The following CCDC14 variants were observed in gnomAD, a reference collection of about 807,000 sequenced individuals.
The protein encoded by CCDC14 is coiled-coil domain containing 14, also known as coiled-coil domain-containing protein 14.
CCDC14 carries 71 observed loss-of-function variants against 81.4 expected under a neutral mutation model. The observed-to-expected ratio is 0.87, with a 90% CI of 0.72 to 1.06. The LOEUF (loss-of-function observed/expected upper bound fraction) is 1.06, where lower values mean the gene tolerates loss of function less well. Ranked by LOEUF, CCDC14 falls within the 50% of genes least tolerant of loss-of-function variation. The pLI is 0.00. For missense variants in CCDC14, 1,046 were observed against 1,047.3 expected, an observed-to-expected ratio of 1.00 and a Z score of 0.02; for synonymous variants, 332 against 364.8, an observed-to-expected ratio of 0.91 and a Z score of 1.03.
intron 1 of CCDC14, chr3:123,958,409 CAT>C (rs2037472926): frequency 6.6e-6 from 1 of 152,036 alleles, no homozygotes. Context: ...GAAAACTACC[CAT>C]GATAAAAGCA....
Position 123,960,480 on chromosome 3 carries a change from G to A in CCDC14, c.30+664C>T, listed in dbSNP as rs187569277. 1.6e-3 allele frequency among the ~76,000 whole-genome samples: 246 copies of A among 152,238 alleles called. 1 individual carries two copies. Among genetic ancestry groups the A allele is most frequent in the African/African-American group, 5.8e-3 (241 of 41,542 alleles). On this transcript the variant is annotated intron_variant, in intron 1 of 12. Coordinates refer to ENST00000409697, the MANE Select transcript of CCDC14 (RefSeq NM_001366335.1). Reference sequence around the variant, plus strand: ...ACTGCCAAGTTATTTGAATCCTCCAGCCCTCGATTTCCTCATATATAAAAT... The same window carrying A: ...ACTGCCAAGTTATTTGAATCCTCCAACCCTCGATTTCCTCATATATAAAAT...
At chr3:123,903,279 A>T (rs2034215055) in intron 5 of CCDC14, among the ~76,000 whole-genome samples, 1 of 149,576 alleles carries the variant, frequency 6.7e-6, no homozygotes, top group South Asian at 2.1e-4. Context: ...TCTCCATAAT[A>T]AAAAGTATTA....
chr3:123,935,111 A>C (rs2035983609), intron 9 of CCDC14, among the ~76,000 whole-genome samples: 2 of 152,176 alleles, frequency 1.3e-5, no homozygotes, highest in South Asian at 4.1e-4. Flanking sequence ...AACCTAGTAA[A>C]AAGTGACAAA....
At chr3:123,897,617 A>G in intron 5 of CCDC14, 1 of 1,178,028 alleles carries the variant, frequency 8.5e-7, no homozygotes, top group Non-Finnish European at 1.1e-6. Context: ...AAAAAGTCTG[A>G]AAGAATAGAA....
intron 5 of CCDC14, among the ~76,000 whole-genome samples, chr3:123,903,502 T>A (rs1463057992): frequency 6.6e-6 from 1 of 152,154 alleles, no homozygotes; most frequent in African/African-American, 2.4e-5. Context: ...GCAGTTCTAC[T>A]CCTGGGACTC....
intron 5 of CCDC14, chr3:123,954,064 C>T (rs1242293445): frequency 1.3e-5 from 2 of 152,176 alleles, no homozygotes; most frequent in Admixed American, 1.3e-4. Flanking sequence ...GATACCATGA[C>T]ACCCACTGCC....
intron 9 of CCDC14, among the ~76,000 whole-genome samples, chr3:123,934,270 CAAAAAAAAAAAA>C (rs61094944): frequency 3.8e-5 from 2 of 52,276 alleles, no homozygotes; most frequent in South Asian, 9.9e-4. Flanking sequence ...GACTCTGCCT[CAAAAAAAAAAAA>C]AAAAAAAAAA....
chr3:123,906,843 A>G (rs2034323444), intron 5 of CCDC14, among the ~76,000 whole-genome samples: 1 of 152,216 alleles, frequency 6.6e-6, no homozygotes, highest in South Asian at 2.1e-4. Context: ...ATTATGTTTA[A>G]TCTATTTTAC....
intron 12 of CCDC14, among the ~76,000 whole-genome samples, chr3:123,916,337 G>T (rs376388898): frequency 6.6e-6 from 1 of 151,966 alleles, no homozygotes; most frequent in South Asian, 2.1e-4. Flanking sequence ...GTTCATTCTT[G>T]AGCAGCACTA....
downstream of CCDC14, among the ~76,000 whole-genome samples, chr3:123,912,690 A>G (rs748780834): frequency 3.9e-5 from 6 of 152,076 alleles, no homozygotes; most frequent in Non-Finnish European, 7.4e-5. Context: ...CATTTTAAGA[A>G]TACCCAACTT....
chr3:123,887,460 G>A, the CCDC14 span, among the ~76,000 whole-genome samples: 5 of 132,922 alleles, frequency 3.8e-5, no homozygotes, highest in Non-Finnish European at 6.1e-5. Flanking sequence ...GGTCCAGCTG[G>A]GTTGCTATAA....
intron 5 of CCDC14, among the ~76,000 whole-genome samples, chr3:123,901,889 A>C (rs955058638): frequency 2.0e-5 from 3 of 152,180 alleles, no homozygotes; most frequent in African/African-American, 7.2e-5. Context: ...TAGTATCAAA[A>C]GGCCCAACAA....
At chr3:123,925,248 A>C (rs748813028) in intron 12 of CCDC14, among the ~76,000 whole-genome samples, 2 of 152,122 alleles carry the variant, frequency 1.3e-5, no homozygotes, top group Non-Finnish European at 2.9e-5. Flanking sequence ...ATACTGCATG[A>C]CCTCACTTAT....
chr3:123,929,362 A>G (rs2682217), intron 12 of CCDC14, among the ~76,000 whole-genome samples: 35,065 of 151,828 alleles, frequency 0.23, 8,950 homozygotes, highest in East Asian at 0.78. Flanking sequence ...CCACGTTGGA[A>G]TGCAGTGGCA....
At position 123,955,904 on chromosome 3, in the gene CCDC14, G is replaced by T. The variant is rs776911855; in HGVS notation, c.291C>A (p.Tyr97Ter). ...SNSRPLESKR[Y>*]GSKKKRHEKH... ...TTTCATGTCTTTTCTTTTTTGATCC[G>T]TATCTTTTGCTTTCTAAAGGTCTAG... Residue 97 changes from tyrosine (Y) to a stop codon, truncating the protein, a stop_gained, in exon 5 of 13, where the codon TAC becomes TAA. Transcript: ENST00000409697. LOFTEE classifies it high-confidence loss of function. 2.6e-6 allele frequency: 4 copies of T among 1,534,218 alleles called. No homozygotes were observed. Among genetic ancestry groups the T allele is most frequent in the Non-Finnish European group, 3.5e-6 (4 of 1,136,282 alleles).
Position 123,920,681 on chromosome 3 carries a change from A to G in CCDC14, c.1779-4963T>C, listed in dbSNP as rs147510055. ...ATCCTCAGTAGGCCTATCTTACAAG[A>G]ATTGCTAAAACAAGTTCTTTAAGCT... On this transcript the variant is annotated intron_variant, in intron 12 of 12. Coordinates refer to ENST00000409697, the MANE Select transcript of CCDC14 (RefSeq NM_001366335.1). 4.7e-4 allele frequency among the ~76,000 whole-genome samples: 72 copies of G among 152,322 alleles called. No homozygotes were observed. In the East Asian group the frequency reaches 0.014, roughly 29 times the overall value.
At chr3:123,911,127 G>T (rs946769856), downstream of CCDC14, among the ~76,000 whole-genome samples, 1 of 152,120 alleles carries the variant, frequency 6.6e-6, no homozygotes, top group Non-Finnish European at 1.5e-5. Context: ...TATCACTGTA[G>T]AACAGTTCTT....
At chr3:123,942,416 A>T (rs1304253012) in intron 9 of CCDC14, among the ~76,000 whole-genome samples, 1 of 152,088 alleles carries the variant, frequency 6.6e-6, no homozygotes, top group Non-Finnish European at 1.5e-5. Context: ...GGAATTCCTT[A>T]GGTCAAGACT....
chr3:123,917,475 AC>A (rs1468873643), intron 12 of CCDC14, among the ~76,000 whole-genome samples: 1 of 151,412 alleles, frequency 6.6e-6, no homozygotes, highest in Non-Finnish European at 1.5e-5. Flanking sequence ...AGCCTGGGCA[AC>A]AGGGCGAAAC....
Sources: allele counts gnomAD v4.1 joint callset (sites outside exome capture counted in the v4.1 genomes callset), GRCh38; gene constraint gnomAD v4.1.1; transcripts MANE v1.5; gene names NCBI Gene and HGNC (gene_info 2026-07-23, HGNC 2026-07-21).